The following KIF19 variants were observed in gnomAD, a reference collection of about 807,000 sequenced individuals.
The protein encoded by KIF19 is kinesin family member 19.
KIF19 carries 98 observed loss-of-function variants against 106.6 expected under a neutral mutation model. That is an observed-to-expected ratio of 0.92 (90% CI 0.78 to 1.09). KIF19 has a LOEUF of 1.09. KIF19 is among the 50% of genes least tolerant of loss of function. KIF19 has a pLI of 0.00. For missense variants in KIF19, 1,373 were observed against 1,414.3 expected (o/e 0.97, Z 0.47); for synonymous variants, 516 against 584.2 (o/e 0.88, Z 1.68).
intron 1 of KIF19, 148 bp downstream of exon 1, chr17:74,326,536 A>G (rs2053914306): frequency 1.5e-6 from 1 of 652,248 alleles, no homozygotes; most frequent in South Asian, 2.2e-5. Context: ...ACTTTCCCCA[A>G]GTCCTGCAGG....
chr17:74,342,951 T>C, intron 4 of KIF19, 73 bp from the exon 5 acceptor site: 1 of 1,495,572 alleles, frequency 6.7e-7, no homozygotes, highest in East Asian at 2.5e-5. Context: ...AACCCCGGTT[T>C]CCAGGAGTGC....
chr17:74,329,355 G>A (rs2054007845), intron 2 of KIF19: 1 of 151,756 alleles, frequency 6.6e-6, no homozygotes, highest in Admixed American at 6.6e-5. Context: ...AGCTGAGGCA[G>A]GATAATCGCT....
chr17:74,355,379 G>A lies in KIF19; in HGVS notation c.*67G>A. 3 of 1,480,074 alleles carry A rather than the reference G, an allele frequency of 2.0e-6. No homozygotes were observed. Among genetic ancestry groups the A allele is most frequent in the Non-Finnish European group, 2.7e-6 (3 of 1,113,272 alleles). The allele number at this position is 1,480,074 out of a possible 1,614,324, so 91.7% of individuals were successfully genotyped here. A position where few individuals can be genotyped will look rare whatever the true frequency, so the allele number is the denominator to read the frequency against. Reference sequence around the variant, plus strand: ...AATGGGGTCTAGCAGGGCATGGGAGGTGGAGGCTGGGCAGATGGAGATGAC... The same window carrying A: ...AATGGGGTCTAGCAGGGCATGGGAGATGGAGGCTGGGCAGATGGAGATGAC... On this transcript the variant is annotated 3_prime_UTR_variant, in exon 20 of 20. Coordinates refer to ENST00000389916, the MANE Select transcript of KIF19 (RefSeq NM_153209.4).
At chr17:74,340,060 C>G (rs1325110159) in intron 2 of KIF19, among the ~76,000 whole-genome samples, 1 of 152,196 alleles carries the variant, frequency 6.6e-6, no homozygotes, top group Admixed American at 6.5e-5. Context: ...AAGCACATTA[C>G]ACGTTGTTCC....
intron 15 of KIF19, 106 bp downstream of exon 15, chr17:74,353,060 C>T: frequency 2.8e-6 from 4 of 1,444,198 alleles, no homozygotes; most frequent in Non-Finnish European, 3.8e-6. Flanking sequence ...TGAGAGGGAG[C>T]AGGTGGCCCA....
At chr17:74,345,400 C>G (rs1242608897) in intron 7 of KIF19, among the ~76,000 whole-genome samples, 1 of 152,130 alleles carries the variant, frequency 6.6e-6, no homozygotes, top group African/African-American at 2.4e-5. Context: ...CTTGACACAT[C>G]CTGGGAGAGG....
At chr17:74,339,397 C>A (rs2144233798) in intron 2 of KIF19, among the ~76,000 whole-genome samples, 1 of 152,010 alleles carries the variant, frequency 6.6e-6, no homozygotes, top group Admixed American at 6.5e-5. Context: ...TCACAATGAT[C>A]CATTGTGATT....
At chr17:74,338,687 G>A (rs2054281216) in intron 2 of KIF19, among the ~76,000 whole-genome samples, 2 of 151,912 alleles carry the variant, frequency 1.3e-5, no homozygotes, top group South Asian at 4.1e-4. Flanking sequence ...AAGGAAGGGG[G>A]TTTGACCCAG....
intron 13 of KIF19, 29 bp from the exon 14 acceptor site, chr17:74,352,190 C>G: frequency 6.3e-7 from 1 of 1,593,864 alleles, no homozygotes; most frequent in Non-Finnish European, 8.6e-7. Flanking sequence ...GCCGCTGGCA[C>G]TCACTGAGCC....
chr17:74,330,901 G>T (rs566148106), intron 2 of KIF19, among the ~76,000 whole-genome samples: 1 of 152,156 alleles, frequency 6.6e-6, no homozygotes. Context: ...TGGGCTTCTG[G>T]CCCTAAGCTC....
chr17:74,342,387 C>T (rs140995915), intron 3 of KIF19, among the ~76,000 whole-genome samples: 1 of 152,242 alleles, frequency 6.6e-6, no homozygotes, highest in South Asian at 2.1e-4. Flanking sequence ...ATCCTCAGGG[C>T]GGGGGGCCAG....
At chr17:74,329,596 AC>A (rs34050274) in intron 2 of KIF19, 63,171 of 151,532 alleles carry the variant, frequency 0.42, 13,448 homozygotes, top group Non-Finnish European at 0.48. Flanking sequence ...GGTGAGAGGG[AC>A]TGGGATGCAA....
At chr17:74,344,177 G>A (rs2054461588) in intron 5 of KIF19, 46 bp from the exon 6 acceptor site, 1 of 1,578,316 alleles carries the variant, frequency 6.3e-7, no homozygotes, top group South Asian at 1.1e-5. Flanking sequence ...TTGACCTCCT[G>A]CCCTTAGTCT....
intron 15 of KIF19, 116 bp downstream of exon 15, chr17:74,353,070 A>G (rs2054765083): frequency 2.6e-5 from 38 of 1,438,826 alleles, no homozygotes; most frequent in Non-Finnish European, 3.4e-5. Context: ...CAGGTGGCCC[A>G]GGTCTGGAGC....
intron 10 of KIF19, among the ~76,000 whole-genome samples, chr17:74,350,062 G>T (rs1041184086): frequency 1.3e-5 from 2 of 152,214 alleles, no homozygotes; most frequent in Admixed American, 6.5e-5. Flanking sequence ...GCCTCCCAAA[G>T]TGCTGGGATT....
intron 4 of KIF19, 49 bp downstream of exon 4, chr17:74,342,766 TC>T: frequency 6.5e-7 from 1 of 1,534,110 alleles, no homozygotes; most frequent in East Asian, 2.2e-5. Flanking sequence ...GCCCCTGTAA[TC>T]CCCGTCACCC....
intron 12 of KIF19, 73 bp downstream of exon 12, chr17:74,350,978 A>T (rs2054686105): frequency 2.0e-6 from 3 of 1,495,316 alleles, no homozygotes; most frequent in East Asian, 4.5e-5. Flanking sequence ...GGCAAGGCGG[A>T]GGGGCCAGGG....
Position 74,352,061 on chromosome 17 carries a change from C to G in KIF19, c.1782C>G (p.His594Gln), listed in dbSNP as rs776921376. Reference sequence around the variant, plus strand: ...GCGACGGTGCGCTCCGCCACCGCCACGAGGCCGTGCGCCGCCTGGAGCAGC... The same window carrying G: ...GCGACGGTGCGCTCCGCCACCGCCAGGAGGCCGTGCGCCGCCTGGAGCAGC... ...LLRDGALRHRHEAVRRLEQHR... is the reference protein window; with the variant it reads ...LLRDGALRHRQEAVRRLEQHR... The change falls in exon 13 of 20, where the codon CAC becomes CAG. Residue 594 changes from histidine (H) to glutamine (Q), a missense_variant. Around this residue, in one of 3 missense-constraint regions of KIF19, gnomAD observed 1,020 missense variants for 1,008.2 expected, o/e 1.01. Transcript: ENST00000389916. 6 of 1,589,322 alleles carry G rather than the reference C, an allele frequency of 3.8e-6. No homozygotes were observed. The highest frequency in any genetic ancestry group is 5.1e-6 in the Non-Finnish European group (6 of 1,172,974).
At chr17:74,334,590 G>T (rs1489759953) in intron 2 of KIF19, among the ~76,000 whole-genome samples, 1 of 152,192 alleles carries the variant, frequency 6.6e-6, no homozygotes, top group Non-Finnish European at 1.5e-5. Context: ...TATGAGCTCA[G>T]CAGGGTCAAC....
Sources: gnomAD v4.1 joint callset for allele counts (sites outside exome capture counted in the v4.1 genomes callset) on GRCh38, gnomAD v4.1.1 for gene constraint, gnomAD v4.1.1 regional missense constraint, MANE v1.5 for transcripts, NCBI Gene and HGNC (gene_info 2026-07-23, HGNC 2026-07-21) for gene names.